SAFB2: variants seen among roughly 807,000 people sequenced by gnomAD.
SAFB2 encodes scaffold attachment factor B2.
SAFB2 carries 32 observed loss-of-function variants against 100.6 expected under a neutral mutation model. The observed-to-expected ratio is 0.32, with a 90% CI of 0.24 to 0.43. The LOEUF (loss-of-function observed/expected upper bound fraction) is 0.43, where lower values mean the gene tolerates loss of function less well. SAFB2 is among the 20% of genes least tolerant of loss of function. The pLI is 1.00. For synonymous variants in SAFB2, 500 were observed against 439.4 expected, an observed-to-expected ratio of 1.14 and a Z score of -1.72; for missense variants, 1,185 against 1,163.4, an observed-to-expected ratio of 1.02 and a Z score of -0.27.
intron 5 of SAFB2, 134 bp downstream of exon 5, chr19:5,613,331 T>G: frequency 1.3e-6 from 1 of 772,014 alleles, no homozygotes; most frequent in South Asian, 1.9e-5. Context: ...CTGTTTCTCT[T>G]CTGCTAACCT....
intron 2 of SAFB2, among the ~76,000 whole-genome samples, chr19:5,617,217 C>T (rs2053052086): frequency 6.6e-6 from 1 of 152,072 alleles, no homozygotes; most frequent in African/African-American, 2.4e-5. Flanking sequence ...TGCTGGCTCT[C>T]CCTATATTCC....
At chr19:5,612,501 A>G (rs1445848706) in intron 6 of SAFB2, 39 bp downstream of exon 6, 1 of 1,583,078 alleles carries the variant, frequency 6.3e-7, no homozygotes, top group Non-Finnish European at 8.7e-7. Context: ...TAGTGTGAAA[A>G]CTTTCAAACC....
rs1347415675 is a variant in SAFB2 at position 5,593,056 on chromosome 19, A to T, written c.2208-169T>A. Reference sequence around the variant, plus strand: ...TCGATCATCATTGCTTTGATCTGATAAATTAAAACCGCCATTAACAGCCGA... The same window carrying T: ...TCGATCATCATTGCTTTGATCTGATTAATTAAAACCGCCATTAACAGCCGA... On this transcript the variant is annotated intron_variant, in intron 15 of 20. Coordinates refer to ENST00000252542, the MANE Select transcript of SAFB2 (RefSeq NM_014649.3). Among the ~76,000 whole-genome samples the T allele has an allele frequency of 1.3e-5, 2 of 152,314 alleles. 1 individual carries two copies. Among genetic ancestry groups the T allele is most frequent in the Middle Eastern group, 6.8e-3 (2 of 294 alleles).
At chr19:5,600,367 T>C in intron 11 of SAFB2, 107 bp from the exon 12 acceptor site, 2 of 1,451,732 alleles carry the variant, frequency 1.4e-6, no homozygotes, top group Non-Finnish European at 1.8e-6. Flanking sequence ...ACAAAACAAA[T>C]CACCCCGGCA....
chr19:5,591,692 C>T, intron 17 of SAFB2, 56 bp downstream of exon 17: 1 of 1,563,754 alleles, frequency 6.4e-7, no homozygotes, highest in Non-Finnish European at 8.8e-7. Flanking sequence ...AAATGGTCCG[C>T]TATGCCTGCA....
At chr19:5,601,753 C>T (rs2052664262) in intron 11 of SAFB2, among the ~76,000 whole-genome samples, 1 of 137,718 alleles carries the variant, frequency 7.3e-6, no homozygotes, top group African/African-American at 2.7e-5. Context: ...TAAGAAGGAC[C>T]TTTAGATCCT....
At chr19:5,619,030 G>A (rs1205157559) in intron 2 of SAFB2, among the ~76,000 whole-genome samples, 1 of 152,208 alleles carries the variant, frequency 6.6e-6, no homozygotes, top group African/African-American at 2.4e-5. Context: ...TTGCAAGGAA[G>A]CAGTTACTGG....
intron 2 of SAFB2, among the ~76,000 whole-genome samples, chr19:5,617,792 A>G (rs2053063367): frequency 1.3e-5 from 2 of 152,188 alleles, no homozygotes; most frequent in Non-Finnish European, 1.5e-5. Flanking sequence ...ACACCATCCA[A>G]TGTCTCACAA....
intron 9 of SAFB2, among the ~76,000 whole-genome samples, chr19:5,607,133 C>T (rs1349164862): frequency 6.6e-6 from 1 of 152,120 alleles, no homozygotes; most frequent in Non-Finnish European, 1.5e-5. Flanking sequence ...TGGTGGCGGG[C>T]ACCTGTAGTT....
intron 4 of SAFB2, among the ~76,000 whole-genome samples, chr19:5,615,537 G>C (rs1033513952): frequency 1.3e-5 from 2 of 149,982 alleles, no homozygotes; most frequent in African/African-American, 4.9e-5. Flanking sequence ...GTGAGATCCC[G>C]CCTCTAAAAA....
chr19:5,607,353 T>C (rs2052798674), intron 9 of SAFB2, among the ~76,000 whole-genome samples: 1 of 150,536 alleles, frequency 6.6e-6, no homozygotes, highest in South Asian at 2.1e-4. Context: ...CAATAAAATA[T>C]TGGGTGACTT....
intron 1 of SAFB2, 80 bp from the exon 2 acceptor site, chr19:5,621,476 T>G: frequency 1.1e-6 from 1 of 948,016 alleles, no homozygotes; most frequent in East Asian, 2.4e-5. Context: ...CAACCTCCCA[T>G]GAAACAAAGG....
At chr19:5,593,356 C>T (rs1487769737) in intron 15 of SAFB2, among the ~76,000 whole-genome samples, 1 of 152,184 alleles carries the variant, frequency 6.6e-6, no homozygotes, top group African/African-American at 2.4e-5. Flanking sequence ...TTATCTTCTT[C>T]CTGATTTTTA....
intron 2 of SAFB2, among the ~76,000 whole-genome samples, chr19:5,618,671 C>A (rs972965237): frequency 1.3e-5 from 2 of 152,214 alleles, no homozygotes; most frequent in Non-Finnish European, 2.9e-5. Context: ...GGTAATTGCA[C>A]CCAATTTCTA....
rs2053028282 is a variant in SAFB2, at chr19:5,616,269, C to G, written c.406G>C (p.Glu136Gln). 4 of 1,614,078 alleles carry G rather than the reference C, an allele frequency of 2.5e-6. No homozygotes were observed. In the African/African-American group the frequency reaches 5.3e-5, roughly 22 times the overall value. Reference protein sequence around the residue: ...MGMMDMSVLDETEVANSSAPD... With the variant: ...MGMMDMSVLDQTEVANSSAPD... Reference sequence around the variant, plus strand: ...GCACTGCTATTCGCCACTTCAGTTTCGTCTAGCACACTCATGTCCATCATG... The same window carrying G: ...GCACTGCTATTCGCCACTTCAGTTTGGTCTAGCACACTCATGTCCATCATG... Residue 136 changes from glutamate (E) to glutamine (Q), a missense_variant, in exon 4 of 21, where the codon GAA becomes CAA. This residue lies in a region of SAFB2 where 351 missense variants were observed against 341.2 expected (regional missense o/e 1.03). Coordinates refer to ENST00000252542, the MANE Select transcript of SAFB2 (RefSeq NM_014649.3).
chr19:5,621,274 G>C lies in SAFB2; in HGVS notation c.274+35C>G, dbSNP rs986745060. 11 of 1,374,260 alleles carry C rather than the reference G, an allele frequency of 8.0e-6. No individual in the cohort carries two copies. The East Asian group carries it at 2.3e-4, about 29-fold the overall frequency. 85.1% of individuals were successfully genotyped at this position (1,374,260 alleles called of 1,614,324 possible). A position where few individuals can be genotyped will look rare whatever the true frequency, so the allele number is the denominator to read the frequency against. On this transcript the variant is annotated intron_variant, in intron 2 of 20. Coordinates refer to ENST00000252542, the MANE Select transcript of SAFB2 (RefSeq NM_014649.3). ...TACACACCATTTCTCTAAATTCTCT[G>C]AACACTCAAGCCCCAAGCAGCATAT...
Position 5,587,838 on chromosome 19 carries a change from C to A in SAFB2, c.2638+30G>T, listed in dbSNP as rs1426523712. The stretch of plus-strand genomic sequence containing the variant: ...CCCTGGACACATGTGGGGGCCACAG[C>A]CACCCTCGTCCCTGGAGCCAGCCCC... On this transcript the variant is annotated intron_variant, in intron 19 of 20. Transcript: ENST00000252542. The surrounding 1 kb of genome is among the most constrained non-coding windows in gnomAD (Gnocchi z 4.9). The A allele has an allele frequency of 1.3e-6, 2 of 1,588,582 alleles. No individual in the cohort carries two copies. The highest frequency in any genetic ancestry group is 1.7e-6 in the Non-Finnish European group (2 of 1,166,500).
In SAFB2 at chr19:5,600,162, C is replaced by T; in HGVS notation, c.1658G>A (p.Gly553Glu). Residue 553 changes from glycine (G) to glutamate (E), a missense_variant, in exon 12 of 21, where the codon GGA becomes GAA. Gly to Glu is a moderately conservative substitution (Grantham distance 98, BLOSUM62 -2). Transcript: ENST00000252542. ...GGTGACTCTAGACCGATTTGTAGGT[C>T]CGGGTTTCAGCTCATCCTGGTCTTT... ...EEKDQDELKP[G>E]PTNRSRVTKS... 1.9e-6 allele frequency: 3 copies of T among 1,614,100 alleles called. No individual in the cohort carries two copies. The Admixed American group carries it at 5.0e-5, about 27-fold the overall frequency.
At chr19:5,595,804 C>G (rs189545035) in intron 13 of SAFB2, among the ~76,000 whole-genome samples, 29 of 152,328 alleles carry the variant, frequency 1.9e-4, no homozygotes, top group Non-Finnish European at 3.5e-4. Flanking sequence ...TCACATAATC[C>G]AAAGCAAACC....
Sources: gnomAD v4.1 joint callset for allele counts (sites outside exome capture counted in the v4.1 genomes callset) on GRCh38, gnomAD v4.1.1 for gene constraint, gnomAD v4.1.1 regional missense constraint, Gnocchi (gnomAD v3.1) non-coding constraint, MANE v1.5 for transcripts, NCBI Gene and HGNC (gene_info 2026-07-23, HGNC 2026-07-21) for gene names.